SOS2: variants seen among roughly 807,000 people sequenced by gnomAD.
SOS2 encodes SOS Ras/Rho guanine nucleotide exchange factor 2.
A neutral mutation model predicts 148.2 loss-of-function variants in SOS2; 65 were observed. The ratio of observed to expected loss-of-function variants is 0.44; its 90% CI spans 0.36 to 0.54. The LOEUF (loss-of-function observed/expected upper bound fraction) is 0.54, where lower values mean the gene tolerates loss of function less well. SOS2 is among the 20% of genes least tolerant of loss of function. The probability of loss-of-function intolerance (pLI) is 0.00; values close to 1 mark genes in which losing one functional copy is unlikely to be tolerated. For synonymous variants in SOS2, 539 were observed against 537.1 expected, an observed-to-expected ratio of 1.00 and a Z score of -0.05; for missense variants, 1,341 against 1,590.2, an observed-to-expected ratio of 0.84 and a Z score of 2.67.
intron 4 of SOS2, among the ~76,000 whole-genome samples, chr14:50,196,485 A>G (rs532360137): frequency 6.6e-6 from 1 of 152,184 alleles, no homozygotes; most frequent in Admixed American, 6.6e-5. Flanking sequence ...GACTGTAGTC[A>G]CCCTGTTGTG....
At chr14:50,140,164 AT>A (rs1175574963) in intron 16 of SOS2, 105 bp from the exon 17 acceptor site, 4 of 591,642 alleles carry the variant, frequency 6.8e-6, no homozygotes, top group African/African-American at 3.7e-5. Flanking sequence ...CTGGAAAACA[AT>A]TTTTTTACAT....
At chr14:50,217,180 T>C (rs1023796131) in intron 1 of SOS2, among the ~76,000 whole-genome samples, 1 of 152,114 alleles carries the variant, frequency 6.6e-6, no homozygotes, top group Non-Finnish European at 1.5e-5. Flanking sequence ...ATTTTTTAAA[T>C]AAAAGCATGA....
In SOS2 at chr14:50,118,389, T is replaced by C. The variant is rs751408063; in HGVS notation, c.3954A>G (p.Pro1318=). The change falls in exon 23 of 23, where the codon CCA becomes CCG. Residue 1318 remains proline, a synonymous_variant. Coordinates refer to ENST00000216373, the MANE Select transcript of SOS2 (RefSeq NM_006939.4). The part of the protein sequence containing the change: ...KTYKRELSHP[P]LYRLPLLENA... ...TTTCTAGCAAAGGCAGTCTGTACAA[T>C]GGGGGGTGCGAAAGCTCCCGTTTGT... is the stretch of plus-strand genomic sequence containing the variant. 1.5e-5 allele frequency: 25 copies of C among 1,613,926 alleles called. No homozygotes were observed. Among genetic ancestry groups the C allele is most frequent in the African/African-American group, 4.0e-5 (3 of 74,892 alleles).
In SOS2 at chr14:50,145,642, ATTAC is replaced by A. The variant is rs1884442686; in HGVS notation, c.2385-50_2385-47del. On this transcript the variant is annotated intron_variant, in intron 14 of 22. Transcript: ENST00000216373. The stretch of plus-strand genomic sequence containing the variant: ...GCAACTTAACCTATAAAGGATTTGT[ATTAC>A]TTAAAGATCTTCTAAAACTTAATAA... The A allele has an allele frequency of 4.7e-6, 6 of 1,267,454 alleles. No individual in the cohort carries two copies. The East Asian group carries it at 1.2e-4, about 25-fold the overall frequency. The allele number at this position is 1,267,454 out of a possible 1,614,324, so 78.5% of individuals were successfully genotyped here.
At chr14:50,159,364 T>C (rs1884925513) in intron 10 of SOS2, 67 bp downstream of exon 10, 1 of 1,022,840 alleles carries the variant, frequency 9.8e-7, no homozygotes, top group Non-Finnish European at 1.4e-6. Flanking sequence ...TCAAATATTT[T>C]TGAGCATCCT....
At chr14:50,210,538 A>C (rs1169526097) in intron 1 of SOS2, among the ~76,000 whole-genome samples, 2 of 152,150 alleles carry the variant, frequency 1.3e-5, no homozygotes, top group Non-Finnish European at 2.9e-5. Flanking sequence ...AGAACTGATA[A>C]ACTTTATATT....
chr14:50,223,848 G>A (rs1566487586), intron 1 of SOS2, among the ~76,000 whole-genome samples: 1 of 151,848 alleles, frequency 6.6e-6, no homozygotes, highest in East Asian at 1.9e-4. Flanking sequence ...GTGCGACCCT[G>A]TCTCAAAAAA....
At chr14:50,143,444 A>AT (rs1279638578) in intron 16 of SOS2, among the ~76,000 whole-genome samples, 1 of 152,006 alleles carries the variant, frequency 6.6e-6, no homozygotes, top group Non-Finnish European at 1.5e-5. Flanking sequence ...CTCACTAGTT[A>AT]TTATTTATTT....
chr14:50,196,563 C>A (rs185527412), intron 4 of SOS2, among the ~76,000 whole-genome samples: 4 of 152,120 alleles, frequency 2.6e-5, no homozygotes, highest in Non-Finnish European at 2.9e-5. Flanking sequence ...CCATTTCCCC[C>A]ACTCCAGCTA....
In SOS2 at chr14:50,139,168, A is replaced by C. The variant is rs1884180812; in HGVS notation, c.2786-384T>G. Among the ~76,000 whole-genome samples the C allele has an allele frequency of 2.0e-5, 3 of 152,318 alleles. No individual in the cohort carries two copies. In the South Asian group the frequency reaches 6.2e-4, roughly 32 times the overall value. On this transcript the variant is annotated intron_variant, in intron 17 of 22. Coordinates refer to ENST00000216373, the MANE Select transcript of SOS2 (RefSeq NM_006939.4). ...CAAGTATCTTAGGTGATTATTAATAAATTAATTTTAAGCCAATTTTGGTTA... is the reference window on the plus strand; with the variant it reads ...CAAGTATCTTAGGTGATTATTAATACATTAATTTTAAGCCAATTTTGGTTA...
chr14:50,172,650 T>C (rs941725112), intron 8 of SOS2, among the ~76,000 whole-genome samples: 15 of 152,048 alleles, frequency 9.9e-5, no homozygotes, highest in African/African-American at 3.1e-4. Flanking sequence ...ATTACAGGCA[T>C]GAGCCACCGC....
intron 3 of SOS2, 114 bp downstream of exon 3, chr14:50,200,839 G>C: frequency 1.2e-6 from 1 of 827,290 alleles, no homozygotes; most frequent in Non-Finnish European, 1.9e-6. Flanking sequence ...ACATATGGAA[G>C]TGCACATATA....
At chr14:50,207,924 A>G (rs1233630693) in intron 1 of SOS2, among the ~76,000 whole-genome samples, 1 of 151,926 alleles carries the variant, frequency 6.6e-6, no homozygotes, top group Non-Finnish European at 1.5e-5. Flanking sequence ...AGAAAAGAAA[A>G]AAAGAAAAAT....
intron 18 of SOS2, among the ~76,000 whole-genome samples, chr14:50,135,089 A>AAAAAGAAAGAAAGAAAGAAAG (rs1555368583): frequency 1.5e-5 from 2 of 131,530 alleles, no homozygotes; most frequent in Non-Finnish European, 3.2e-5. Flanking sequence ...AAAAAAAAAA[A>AAAAAGAAAGAAAGAAAGAAAG]AAAGAAAGAA....
At chr14:50,202,849 T>C (rs1339588821) in intron 2 of SOS2, among the ~76,000 whole-genome samples, 1 of 151,270 alleles carries the variant, frequency 6.6e-6, no homozygotes, top group Non-Finnish European at 1.5e-5. Context: ...CAAATTAAGA[T>C]TTTCCTTTAT....
intron 1 of SOS2, among the ~76,000 whole-genome samples, chr14:50,217,835 A>G (rs1023858122): frequency 6.6e-6 from 1 of 152,150 alleles, no homozygotes; most frequent in Non-Finnish European, 1.5e-5. Flanking sequence ...GGGCGCCTGT[A>G]GTCCCAGCTA....
At position 50,160,085 on chromosome 14, in the gene SOS2, C is replaced by T. The variant is rs200368064; in HGVS notation, c.1198G>A (p.Asp400Asn). Reference sequence around the variant, plus strand: ...TGACTATAAAAAGGGCAAACAGGATCTCTAGAAAAAACAAACAATATAGCT... The same window carrying T: ...TGACTATAAAAAGGGCAAACAGGATTTCTAGAAAAAACAAACAATATAGCT... ...KQYSPRRRPG[D>N]PVCPFYSHQL... Residue 400 changes from aspartate to asparagine, a missense_variant and splice_region_variant, in exon 10 of 23, where the codon GAT becomes AAT. By Grantham distance (23) the Asp-to-Asn change is conservative. This residue lies in a region of SOS2 where 574 missense variants were observed against 711.1 expected (regional missense o/e 0.81). Transcript: ENST00000216373. 77 of 1,604,880 alleles carry T rather than the reference C, an allele frequency of 4.8e-5. No individual in the cohort carries two copies. Among genetic ancestry groups the T allele is most frequent in the Admixed American group, 1.7e-5 (1 of 58,542 alleles).
chr14:50,220,665 G>C (rs1887177715), intron 1 of SOS2, among the ~76,000 whole-genome samples: 2 of 152,044 alleles, frequency 1.3e-5, no homozygotes, highest in Non-Finnish European at 2.9e-5. Context: ...ATAATTCTCA[G>C]AGTCCATGCT....
intron 5 of SOS2, among the ~76,000 whole-genome samples, chr14:50,186,049 G>A (rs750268225): frequency 2.0e-5 from 3 of 152,072 alleles, no homozygotes; most frequent in Non-Finnish European, 2.9e-5. Flanking sequence ...CCAGAAATGC[G>A]AGCTTTTTGA....
Sources: gnomAD v4.1 joint callset for allele counts (sites outside exome capture counted in the v4.1 genomes callset) on GRCh38, gnomAD v4.1.1 for gene constraint, gnomAD v4.1.1 regional missense constraint, MANE v1.5 for transcripts, NCBI Gene and HGNC (gene_info 2026-07-23, HGNC 2026-07-21) for gene names.